The following RABGAP1L variants were observed in gnomAD, a reference collection of about 807,000 sequenced individuals.
RABGAP1L encodes RAB GTPase activating protein 1 like, also known as rab GTPase-activating protein 1-like.
A neutral mutation model predicts 137.7 loss-of-function variants in RABGAP1L; 63 were observed. The observed-to-expected ratio is 0.46, with a 90% CI of 0.37 to 0.56. The LOEUF is 0.56. Ranked by LOEUF, RABGAP1L falls within the 20% of genes least tolerant of loss-of-function variation. The pLI is 0.00. For synonymous variants in RABGAP1L, 431 were observed against 433.7 expected (o/e 0.99, Z 0.08); for missense variants, 1,095 against 1,244.0 (o/e 0.88, Z 1.80).
At chr1:174,734,874 T>C (rs1468964631) in intron 17 of RABGAP1L, among the ~76,000 whole-genome samples, 2 of 152,094 alleles carry the variant, frequency 1.3e-5, no homozygotes, top group African/African-American at 4.8e-5. Context: ...TCAGATTGCA[T>C]TGAGTCACAC....
chr1:174,312,715 A>T (rs1044877393), intron 11 of RABGAP1L, among the ~76,000 whole-genome samples: 1 of 152,040 alleles, frequency 6.6e-6, no homozygotes, highest in African/African-American at 2.4e-5. Flanking sequence ...TGTTTCTTAT[A>T]GTAGTTTTAT....
intron 19 of RABGAP1L, among the ~76,000 whole-genome samples, chr1:174,904,990 C>T (rs1196013592): frequency 6.6e-6 from 1 of 152,132 alleles, no homozygotes; most frequent in Non-Finnish European, 1.5e-5. Flanking sequence ...AGCCAGCCTT[C>T]TCACACTGCT....
intron 13 of RABGAP1L, among the ~76,000 whole-genome samples, chr1:174,464,992 C>G (rs536451724): frequency 1.4e-4 from 21 of 152,002 alleles, no homozygotes; most frequent in Non-Finnish European, 2.5e-4. Flanking sequence ...TAATGAGCCC[C>G]AAAATCTTCC....
intron 19 of RABGAP1L, among the ~76,000 whole-genome samples, chr1:174,956,377 T>G (rs1172479605): frequency 6.6e-6 from 1 of 152,206 alleles, no homozygotes; most frequent in Admixed American, 6.5e-5. Flanking sequence ...GTTAAATATC[T>G]GTTTACTGAG....
chr1:174,224,291 C>G (rs561206896), intron 3 of RABGAP1L, among the ~76,000 whole-genome samples: 1 of 152,094 alleles, frequency 6.6e-6, no homozygotes, highest in Non-Finnish European at 1.5e-5. Flanking sequence ...GCCTGGCCAA[C>G]ATGGTGACAC....
At chr1:174,533,619 G>A (rs953328715) in intron 13 of RABGAP1L, among the ~76,000 whole-genome samples, 1 of 151,998 alleles carries the variant, frequency 6.6e-6, no homozygotes, top group Non-Finnish European at 1.5e-5. Flanking sequence ...AGCTTACTTT[G>A]TGTGACAATG....
intron 12 of RABGAP1L, among the ~76,000 whole-genome samples, chr1:174,378,986 G>A (rs1217446372): frequency 7.6e-6 from 1 of 131,642 alleles, no homozygotes; most frequent in Non-Finnish European, 1.6e-5. Flanking sequence ...AAGGGATCCA[G>A]TTTCAGCTTT....
intron 19 of RABGAP1L, among the ~76,000 whole-genome samples, chr1:174,842,426 A>C (rs1189355818): frequency 6.6e-6 from 1 of 152,198 alleles, no homozygotes; most frequent in Non-Finnish European, 1.5e-5. Flanking sequence ...TTAGGTCATA[A>C]ACTACAGAAC....
chr1:174,957,011 A>G (rs573116597), intron 19 of RABGAP1L, among the ~76,000 whole-genome samples: 1 of 152,320 alleles, frequency 6.6e-6, no homozygotes. Flanking sequence ...TTCATTTTCA[A>G]CATAATAGAA....
chr1:174,185,310 A>G (rs937671452), intron 1 of RABGAP1L, among the ~76,000 whole-genome samples: 8 of 152,340 alleles, frequency 5.3e-5, no homozygotes, highest in Non-Finnish European at 8.8e-5. Context: ...AAATATACCA[A>G]CTGAGGTGGA....
At position 174,770,295 on chromosome 1, in the gene RABGAP1L, A is replaced by G. The variant is rs563184488; in HGVS notation, c.2211+17941A>G. Reference sequence around the variant, plus strand: ...CTAGTAAATGCTAAAACAAACCAACAAACACAAATACTGGGCTTCTAATTA... The same window carrying G: ...CTAGTAAATGCTAAAACAAACCAACGAACACAAATACTGGGCTTCTAATTA... On this transcript the variant is annotated intron_variant, in intron 18 of 25. Coordinates refer to ENST00000681986, the MANE Select transcript of RABGAP1L (RefSeq NM_001366446.1). Among the ~76,000 whole-genome samples, 4 of 152,298 alleles carry G rather than the reference A, an allele frequency of 2.6e-5. No individual in the cohort carries two copies. In the East Asian group the frequency reaches 7.7e-4, roughly 29 times the overall value.
chr1:174,417,301 TGTA>T (rs1332691206), intron 13 of RABGAP1L, among the ~76,000 whole-genome samples: 1 of 152,188 alleles, frequency 6.6e-6, no homozygotes, highest in African/African-American at 2.4e-5. Flanking sequence ...TCTGTGCTAT[TGTA>T]GTATTTCAAA....
intron 20 of RABGAP1L, among the ~76,000 whole-genome samples, chr1:174,962,014 T>C (rs1669159790): frequency 6.8e-6 from 1 of 147,596 alleles, no homozygotes; most frequent in Non-Finnish European, 1.5e-5. Context: ...TAAATAAAAA[T>C]ATAAAAAAAA....
chr1:174,701,127 C>T (rs934849615), intron 16 of RABGAP1L: 2 of 1,304,366 alleles, frequency 1.5e-6, no homozygotes, highest in South Asian at 1.2e-5. Context: ...ATGAAGGTGG[C>T]CTTTGTCTTT....
At position 174,516,291 on chromosome 1, in the gene RABGAP1L, G is replaced by A. The variant is rs1662841718; in HGVS notation, c.1711-121084G>A. Among the ~76,000 whole-genome samples, 3 of 152,020 alleles carry A rather than the reference G, an allele frequency of 2.0e-5. No homozygotes were observed. The South Asian group carries it at 6.2e-4, about 32-fold the overall frequency. ...CTCCCTCAGCTTCCTGAGTAGCTGG[G>A]ACTATAGGCATATGCCAAATACATC... is the stretch of plus-strand genomic sequence containing the variant. On this transcript the variant is annotated intron_variant, in intron 13 of 25. Transcript: ENST00000681986.
At chr1:174,758,628 T>C (rs1684970218) in intron 18 of RABGAP1L, among the ~76,000 whole-genome samples, 1 of 152,184 alleles carries the variant, frequency 6.6e-6, no homozygotes. Flanking sequence ...TTTCATTCTT[T>C]TTTATGGCTG....
chr1:174,705,635 T>C (rs2148535472), intron 17 of RABGAP1L: 1 of 152,318 alleles, frequency 6.6e-6, no homozygotes, highest in Non-Finnish European at 1.5e-5. Flanking sequence ...CTTTTCAGAA[T>C]AATCTATTGG....
At chr1:174,552,265 C>T (rs1161676585) in intron 13 of RABGAP1L, among the ~76,000 whole-genome samples, 1 of 151,968 alleles carries the variant, frequency 6.6e-6, no homozygotes, top group Non-Finnish European at 1.5e-5. Flanking sequence ...TTTCATCACC[C>T]AGGTATTAAG....
chr1:174,488,403 A>C (rs1659881633), intron 13 of RABGAP1L, among the ~76,000 whole-genome samples: 1 of 151,748 alleles, frequency 6.6e-6, no homozygotes, highest in Non-Finnish European at 1.5e-5. Flanking sequence ...TGTCTGACTT[A>C]GAGCTCCATT....
Sources: allele counts gnomAD v4.1 joint callset (sites outside exome capture counted in the v4.1 genomes callset), GRCh38; gene constraint gnomAD v4.1.1; transcripts MANE v1.5; gene names NCBI Gene and HGNC (gene_info 2026-07-23, HGNC 2026-07-21).